C22orf42: variants seen among roughly 807,000 people sequenced by gnomAD.
C22orf42 encodes the protein uncharacterized protein C22orf42.
A neutral mutation model predicts 31.4 loss-of-function variants in C22orf42; 24 were observed. The ratio of observed to expected loss-of-function variants is 0.77; its 90% CI spans 0.55 to 1.08. The LOEUF (loss-of-function observed/expected upper bound fraction) is 1.08, where lower values mean the gene tolerates loss of function less well. C22orf42 is among the 50% of genes least tolerant of loss of function. The pLI, the probability that C22orf42 is intolerant of heterozygous loss-of-function variation, is 0.00. For synonymous variants in C22orf42, 96 were observed against 112.7 expected, an observed-to-expected ratio of 0.85 and a Z score of 0.94; for missense variants, 276 against 327.3, an observed-to-expected ratio of 0.84 and a Z score of 1.21.
intron 1 of C22orf42, among the ~76,000 whole-genome samples, chr22:32,156,585 A>G (rs1398892428): frequency 6.4e-4 from 86 of 133,764 alleles, no homozygotes; most frequent in South Asian, 2.7e-4. Context: ...ATAATCACAC[A>G]TTATTCCCCC....
chr22:32,151,159 A>G, intron 5 of C22orf42, 140 bp from the exon 6 acceptor site: 1 of 908,678 alleles, frequency 1.1e-6, no homozygotes, highest in Admixed American at 2.3e-5. Context: ...CAAATAAAGC[A>G]TAGAGGATGC....
chr22:32,152,174 T>C (rs557065491), intron 3 of C22orf42, 80 bp from the exon 4 acceptor site: 67 of 1,512,496 alleles, frequency 4.4e-5, no homozygotes, highest in Middle Eastern at 1.8e-4. Context: ...TTTTATTCAC[T>C]TGGTGAAATA....
Position 32,159,202 on chromosome 22 carries a change from A to G in C22orf42, c.14T>C (p.Leu5Pro), listed in dbSNP as rs1275622938. 1.9e-6 allele frequency: 3 copies of G among 1,613,508 alleles called. No individual in the cohort carries two copies. Among genetic ancestry groups the G allele is most frequent in the Non-Finnish European group, 1.7e-6 (2 of 1,180,026 alleles). Residue 5 changes from leucine to proline, a missense_variant, in exon 1 of 9, where the codon CTG (leucine) becomes CCG (proline). Transcript: ENST00000382097. The part of the protein sequence containing the change: MGSK[L>P]TCCLGPSGGL... ...CCCGCTGGGGCCCAGGCAGCAAGTCAGTTTGCTCCCCATTGGGCACCTAAA... is the reference window on the plus strand; with the variant it reads ...CCCGCTGGGGCCCAGGCAGCAAGTCGGTTTGCTCCCCATTGGGCACCTAAA...
chr22:32,155,154 T>G (rs1300404777), intron 1 of C22orf42, among the ~76,000 whole-genome samples: 1 of 152,184 alleles, frequency 6.6e-6, no homozygotes, highest in Non-Finnish European at 1.5e-5. Context: ...ATCTGAGTCC[T>G]CTAGATCATG....
Position 32,158,987 on chromosome 22 carries a change from TG to T in C22orf42, c.228del (p.Gly78ValfsTer10). On this transcript the variant is annotated frameshift_variant, in exon 1 of 9. Transcript: ENST00000382097. LOFTEE classifies it high-confidence loss of function. ...ATGGCACCCATGGCTTCTTTACCTT[TG>T]GACATCTTCAGCATCTTCGGCGTCT... ...LPKTPKMLKM[S>X]KGLDARSKRW... 1 of 1,614,180 alleles carries T rather than the reference TG, an allele frequency of 6.2e-7. No individual in the cohort carries two copies. Among genetic ancestry groups the T allele is most frequent in the Non-Finnish European group, 8.5e-7 (1 of 1,180,046 alleles).
chr22:32,154,375 G>C (rs1921148042), intron 1 of C22orf42, 57 bp from the exon 2 acceptor site: 4 of 1,567,704 alleles, frequency 2.6e-6, no homozygotes, highest in Non-Finnish European at 3.5e-6. Flanking sequence ...AATAAAGACA[G>C]TGCTTGACAT....
At position 32,159,124 on chromosome 22, in the gene C22orf42, TCA is replaced by T; in HGVS notation, c.90_91del (p.Cys30Ter). 6.2e-7 allele frequency: 1 copy of T among 1,614,186 alleles called. No individual in the cohort carries two copies. Among genetic ancestry groups the T allele is most frequent in the Non-Finnish European group, 8.5e-7 (1 of 1,180,034 alleles). Reference sequence around the variant, plus strand: ...TGTGGCTGCCACAGTCTCAGGAATCTCACACTCATGGCAGGGTCCCACATCTG... The same window carrying T: ...TGTGGCTGCCACAGTCTCAGGAATCTCACTCATGGCAGGGTCCCACATCTG... On this transcript the variant is annotated stop_gained and frameshift_variant, in exon 1 of 9. Transcript: ENST00000382097. LOFTEE classifies it high-confidence loss of function.
At chr22:32,151,108 TAAA>T (rs2094112516) in intron 5 of C22orf42, 89 bp from the exon 6 acceptor site, 7 of 1,346,330 alleles carry the variant, frequency 5.2e-6, no homozygotes, top group Admixed American at 2.0e-5. Context: ...CCTGGTGAAA[TAAA>T]AAACCGGATG....
At position 32,151,483 on chromosome 22, in the gene C22orf42, T is replaced by C; in HGVS notation, c.465+4A>G. The C allele has an allele frequency of 6.2e-7, 1 of 1,612,578 alleles. No individual in the cohort carries two copies. The highest frequency in any genetic ancestry group is 8.5e-7 in the Non-Finnish European group (1 of 1,178,554). On this transcript the variant is annotated splice_donor_region_variant and intron_variant, in intron 5 of 8. Coordinates refer to ENST00000382097, the MANE Select transcript of C22orf42 (RefSeq NM_001010859.3). The stretch of plus-strand genomic sequence containing the variant: ...TCTCTTCCAGAGAAAGAAATACATC[T>C]TACAATATCTGACGTTATATTCTCC...
rs1447707109 is a variant in C22orf42 at position 32,150,356 on chromosome 22, A to G, written c.617T>C (p.Leu206Pro). Reference protein sequence around the residue: ...DFMTSGLSESLSVSLEDLMTP... With the variant: ...DFMTSGLSESPSVSLEDLMTP... Reference sequence around the variant, plus strand: ...CATGAGGTCTTCAAGAGAGACAGATAGGCTTTCACTGAGACCTGATGTCAT... The same window carrying G: ...CATGAGGTCTTCAAGAGAGACAGATGGGCTTTCACTGAGACCTGATGTCAT... Residue 206 changes from leucine (L) to proline (P), a missense_variant, in exon 7 of 9, where the codon CTA (leucine) becomes CCA (proline). Coordinates refer to ENST00000382097, the MANE Select transcript of C22orf42 (RefSeq NM_001010859.3). 7 of 1,614,044 alleles carry G rather than the reference A, an allele frequency of 4.3e-6. No homozygotes were observed. Among genetic ancestry groups the G allele is most frequent in the Non-Finnish European group, 5.9e-6 (7 of 1,179,998 alleles).
intron 3 of C22orf42, 66 bp downstream of exon 3, chr22:32,152,496 T>G (rs1010184364): frequency 8.2e-6 from 11 of 1,347,170 alleles, no homozygotes; most frequent in Non-Finnish European, 1.2e-5. Context: ...GATACTCACT[T>G]GATATTCTAG....
chr22:32,150,627 C>G, intron 6 of C22orf42, 148 bp from the exon 7 acceptor site: 1 of 757,988 alleles, frequency 1.3e-6, no homozygotes, highest in East Asian at 2.6e-5. Context: ...CTCCTTGGTG[C>G]TGAAGGAAGG....
At chr22:32,150,291 C>A (rs376503722) in intron 7 of C22orf42, 28 bp downstream of exon 7, 6 of 1,603,620 alleles carry the variant, frequency 3.7e-6, no homozygotes, top group East Asian at 2.2e-5. Flanking sequence ...AAAAACATTT[C>A]TCTTCCAGAC....
chr22:32,150,991 C>CTT lies in C22orf42; in HGVS notation c.493_493+1insAA (p.His165GlnfsTer19). 1.2e-6 allele frequency: 2 copies of CTT among 1,611,242 alleles called. No homozygotes were observed. Among genetic ancestry groups the CTT allele is most frequent in the Non-Finnish European group, 1.7e-6 (2 of 1,178,510 alleles). On this transcript the variant is annotated frameshift_variant and splice_region_variant. Transcript: ENST00000382097. LOFTEE classifies it high-confidence loss of function. ...AAAGCTGTTTAAAAAAAAATACGTA[C>CTT]GGTGGTCGTGCTTGGCCTCAGATAT...
chr22:32,150,975 T>A lies in C22orf42; in HGVS notation c.493+17A>T. 2 of 1,576,236 alleles carry A rather than the reference T, an allele frequency of 1.3e-6. No individual in the cohort carries two copies. Among genetic ancestry groups the A allele is most frequent in the Non-Finnish European group, 1.7e-6 (2 of 1,151,928 alleles). On this transcript the variant is annotated intron_variant, in intron 6 of 8. Transcript: ENST00000382097. ...TCAACTACACGTAAATAAAGCTGTT[T>A]AAAAAAAAATACGTACGGTGGTCGT...
rs777335751 is a variant in C22orf42, at chr22:32,159,113, T to C, written c.103A>G (p.Thr35Ala). The C allele has an allele frequency of 2.5e-6, 4 of 1,614,100 alleles. No individual in the cohort carries two copies. The highest frequency in any genetic ancestry group is 2.2e-5 in the East Asian group (1 of 44,878). ...GATGCTGGTGCTGTGGCTGCCACAG[T>C]CTCAGGAATCTCACACTCATGGCAG... The part of the protein sequence containing the change: ...GPCHECEIPE[T>A]VAATAPASTT... Residue 35 changes from threonine (T) to alanine (A), a missense_variant, in exon 1 of 9, where the codon ACT becomes GCT. Transcript: ENST00000382097.
intron 1 of C22orf42, among the ~76,000 whole-genome samples, chr22:32,158,261 C>T (rs1449692045): frequency 1.3e-5 from 2 of 152,172 alleles, no homozygotes; most frequent in Admixed American, 6.5e-5. Context: ...CACACTTTCC[C>T]TTCCTTGTCT....
At chr22:32,159,422 A>C, upstream of C22orf42, 1 of 1,409,418 alleles carries the variant, frequency 7.1e-7, no homozygotes, top group Non-Finnish European at 9.2e-7. Context: ...AGACCCACCA[A>C]ATGCCTCACA....
rs564995494 is a variant in C22orf42, at chr22:32,150,991, C to T, written c.493+1G>A. The T allele has an allele frequency of 1.5e-5, 24 of 1,611,242 alleles. No individual in the cohort carries two copies. Among genetic ancestry groups the T allele is most frequent in the African/African-American group, 2.7e-5 (2 of 74,758 alleles). ...AAAGCTGTTTAAAAAAAAATACGTA[C>T]GGTGGTCGTGCTTGGCCTCAGATAT... On this transcript the variant is annotated splice_donor_variant, in intron 6 of 8. Coordinates refer to ENST00000382097, the MANE Select transcript of C22orf42 (RefSeq NM_001010859.3). LOFTEE classifies it high-confidence loss of function.
Sources: allele counts gnomAD v4.1 joint callset (sites outside exome capture counted in the v4.1 genomes callset), GRCh38; gene constraint gnomAD v4.1.1; transcripts MANE v1.5; gene names NCBI Gene and HGNC (gene_info 2026-07-23, HGNC 2026-07-21).